The following SPON1 variants were observed in gnomAD, a reference collection of about 807,000 sequenced individuals.
The protein encoded by SPON1 is spondin-1.
In SPON1, 52 loss-of-function variants were observed where a neutral mutation model predicts 111.7. That is an observed-to-expected ratio of 0.47 (90% CI 0.37 to 0.59). The LOEUF (loss-of-function observed/expected upper bound fraction) is 0.59. Among genes scored for constraint, SPON1 ranks in the 20% least tolerant of loss-of-function variants. SPON1 has a pLI of 0.00. For missense variants in SPON1, 957 were observed against 1,068.5 expected, an observed-to-expected ratio of 0.90 and a Z score of 1.46; for synonymous variants, 410 against 395.8, an observed-to-expected ratio of 1.04 and a Z score of -0.43.
At chr11:14,082,836 A>G (rs1554922174) in intron 5 of SPON1, among the ~76,000 whole-genome samples, 1 of 152,224 alleles carries the variant, frequency 6.6e-6, no homozygotes, top group Non-Finnish European at 1.5e-5. Flanking sequence ...TGCCCAGAGA[A>G]GCTTCCCACA....
intron 6 of SPON1, among the ~76,000 whole-genome samples, chr11:14,136,242 G>T (rs1429629382): frequency 6.6e-6 from 1 of 152,200 alleles, no homozygotes; most frequent in African/African-American, 2.4e-5. Context: ...ACGTGGCTCA[G>T]TGGTGGTTTG....
intron 6 of SPON1, among the ~76,000 whole-genome samples, chr11:14,237,001 A>G (rs1554939271): frequency 6.6e-6 from 1 of 152,224 alleles, no homozygotes; most frequent in Non-Finnish European, 1.5e-5. Flanking sequence ...GGCAAACTGC[A>G]AAGTGCCACC....
intron 6 of SPON1, among the ~76,000 whole-genome samples, chr11:14,160,656 T>TA (rs1847916991): frequency 1.2e-4 from 3 of 25,206 alleles, no homozygotes; most frequent in African/African-American, 5.3e-4. Context: ...TATTTATATA[T>TA]TTATATATAT....
In SPON1 at chr11:14,228,280, G is replaced by A. The variant is rs1374193762; in HGVS notation, c.826-15052G>A. On this transcript the variant is annotated intron_variant, in intron 6 of 15. Coordinates refer to ENST00000576479, the MANE Select transcript of SPON1 (RefSeq NM_006108.4). The surrounding 1 kb of genome is among the most constrained non-coding windows in gnomAD (Gnocchi z 4.2). ...AGGCAGCAGCACACGTATCCTTTGG[G>A]CTTTACCTAGTCAAAATGTCTTTGA... Among the ~76,000 whole-genome samples the A allele has an allele frequency of 6.6e-6, 1 of 152,178 alleles. No homozygotes were observed. The highest frequency in any genetic ancestry group is 1.5e-5 in the Non-Finnish European group (1 of 68,032).
chr11:13,993,407 C>A (rs1233313580), intron 2 of SPON1, among the ~76,000 whole-genome samples: 1 of 151,952 alleles, frequency 6.6e-6, no homozygotes, highest in East Asian at 1.9e-4. Context: ...AACTCAGGGA[C>A]TCAATTGCCT....
At chr11:14,003,404 C>T (rs1848334390) in intron 2 of SPON1, among the ~76,000 whole-genome samples, 1 of 152,080 alleles carries the variant, frequency 6.6e-6, no homozygotes, top group Non-Finnish European at 1.5e-5. Context: ...AGTGAGGGGT[C>T]CAGGGTATGG....
chr11:14,048,467 C>G (rs557308027), intron 3 of SPON1, among the ~76,000 whole-genome samples: 2 of 152,132 alleles, frequency 1.3e-5, no homozygotes, highest in Non-Finnish European at 2.9e-5. Context: ...TGGTTGTGTT[C>G]CTTTGCCCAG....
At chr11:14,121,017 T>C (rs924437058) in intron 5 of SPON1, among the ~76,000 whole-genome samples, 3 of 152,352 alleles carry the variant, frequency 2.0e-5, no homozygotes, top group Admixed American at 2.0e-4. Context: ...GAGGGACTGA[T>C]GCATACAACA....
chr11:14,224,795 C>T (rs782657186), intron 6 of SPON1: 2 of 462,568 alleles, frequency 4.3e-6, no homozygotes, highest in Non-Finnish European at 8.6e-6. Flanking sequence ...AAAGGGTGAG[C>T]CCTTGGGCTC....
chr11:14,003,315 AACTT>A (rs1156913866), intron 2 of SPON1, among the ~76,000 whole-genome samples: 1 of 152,198 alleles, frequency 6.6e-6, no homozygotes. Flanking sequence ...TTATTAGGGG[AACTT>A]ACTTACAGAA....
chr11:13,972,980 T>C (rs1848075223), intron 1 of SPON1, among the ~76,000 whole-genome samples: 1 of 152,232 alleles, frequency 6.6e-6, no homozygotes, highest in Non-Finnish European at 1.5e-5. Context: ...TCCTTCGCTC[T>C]ATCTTTTTGT....
In SPON1 at chr11:14,161,049, A is replaced by C. The variant is rs1229824143; in HGVS notation, c.825+25481A>C. 4.6e-5 allele frequency among the ~76,000 whole-genome samples: 2 copies of C among 43,818 alleles called. 1 individual carries two copies. Among genetic ancestry groups the C allele is most frequent in the African/African-American group, 1.7e-4 (2 of 11,502 alleles). The allele number at this position is 43,818 out of a possible 152,430, so 28.7% of individuals were successfully genotyped here. On this transcript the variant is annotated intron_variant, in intron 6 of 15. Coordinates refer to ENST00000576479, the MANE Select transcript of SPON1 (RefSeq NM_006108.4). ...TATATTTATATATATCTATATATTT[A>C]TATATATTTATATATATCTATAATT...
chr11:14,207,167 A>T (rs1554936270), intron 6 of SPON1, among the ~76,000 whole-genome samples: 1 of 152,238 alleles, frequency 6.6e-6, no homozygotes, highest in African/African-American at 2.4e-5. Context: ...TGGTGCTAGG[A>T]TAATTGGATA....
intron 14 of SPON1, among the ~76,000 whole-genome samples, chr11:14,261,961 C>T (rs952416621): frequency 4.6e-5 from 7 of 152,042 alleles, no homozygotes; most frequent in Admixed American, 1.3e-4. Flanking sequence ...AAGTCCACCA[C>T]CCTGACTTTG....
chr11:14,090,426 C>G (rs192945436), intron 5 of SPON1, among the ~76,000 whole-genome samples: 2 of 152,278 alleles, frequency 1.3e-5, no homozygotes, highest in South Asian at 2.1e-4. Context: ...AATGAAGCCG[C>G]GGACCCTCGT....
chr11:14,245,317 G>A (rs1299368977), intron 7 of SPON1, among the ~76,000 whole-genome samples: 1 of 152,140 alleles, frequency 6.6e-6, no homozygotes, highest in African/African-American at 2.4e-5. Context: ...CCTACTGTGC[G>A]CCAGCCCTGC....
intron 6 of SPON1, among the ~76,000 whole-genome samples, chr11:14,146,485 A>G (rs1847720303): frequency 6.6e-6 from 1 of 152,160 alleles, no homozygotes; most frequent in Admixed American, 6.5e-5. Context: ...ATTTAAATGA[A>G]CAAAGAAAAC....
intron 5 of SPON1, among the ~76,000 whole-genome samples, chr11:14,087,580 T>C (rs1554922816): frequency 6.6e-6 from 1 of 152,230 alleles, no homozygotes; most frequent in African/African-American, 2.4e-5. Context: ...TGGTCAATTT[T>C]AGAATAAGTG....
intron 6 of SPON1, among the ~76,000 whole-genome samples, chr11:14,227,545 GA>G (rs1305128022): frequency 4.6e-5 from 7 of 152,172 alleles, no homozygotes; most frequent in African/African-American, 1.7e-4. Flanking sequence ...GCAGACCACT[GA>G]CTTTTTCCAG....
Sources: allele counts gnomAD v4.1 joint callset (sites outside exome capture counted in the v4.1 genomes callset), GRCh38; gene constraint gnomAD v4.1.1; non-coding constraint Gnocchi (gnomAD v3.1); transcripts MANE v1.5; gene names NCBI Gene and HGNC (gene_info 2026-07-23, HGNC 2026-07-21).